The following ANO10 variants were observed in gnomAD, a reference collection of about 807,000 sequenced individuals.
ANO10 encodes the protein anoctamin 10, also known as anoctamin-10.
A neutral mutation model predicts 74.7 loss-of-function variants in ANO10; 77 were observed. The observed-to-expected ratio is 1.03, with a 90% CI of 0.86 to 1.25. The LOEUF is 1.25. Among genes scored for constraint, ANO10 ranks in the 50% most tolerant of loss-of-function variants. ANO10 has a pLI of 0.00. For synonymous variants in ANO10, 279 were observed against 284.9 expected (o/e 0.98, Z 0.21); for missense variants, 721 against 778.1 (o/e 0.93, Z 0.87).
At chr3:43,552,104 A>C (rs2079491340) in intron 10 of ANO10, among the ~76,000 whole-genome samples, 1 of 152,142 alleles carries the variant, frequency 6.6e-6, no homozygotes, top group African/African-American at 2.4e-5. Flanking sequence ...TAATGTTTTT[A>C]GTGGTTGCTC....
intron 1 of ANO10, among the ~76,000 whole-genome samples, chr3:43,646,389 G>A (rs940793632): frequency 1.3e-5 from 2 of 152,128 alleles, no homozygotes; most frequent in East Asian, 3.9e-4. Context: ...CCTGATCCTT[G>A]TATATGCTCA....
At chr3:43,494,632 C>T (rs187279984) in intron 11 of ANO10, among the ~76,000 whole-genome samples, 128 of 152,018 alleles carry the variant, frequency 8.4e-4, no homozygotes, top group African/African-American at 2.8e-3. Flanking sequence ...TTCTTTATAG[C>T]AGTAAGAACT....
rs1199081134 is a variant in ANO10 at position 43,448,752 on chromosome 3, T to C, written c.1798-16025A>G. Among the ~76,000 whole-genome samples the C allele has an allele frequency of 2.0e-5, 3 of 152,220 alleles. No individual in the cohort carries two copies. In the East Asian group the frequency reaches 5.8e-4, roughly 29 times the overall value. ...AATCATATGGTAAAAGTATGCTTAGTTTTCTAAGAAACTGCCAAACTGTCC... is the reference window on the plus strand; with the variant it reads ...AATCATATGGTAAAAGTATGCTTAGCTTTCTAAGAAACTGCCAAACTGTCC... On this transcript the variant is annotated intron_variant, in intron 11 of 12. Coordinates refer to ENST00000292246, the MANE Select transcript of ANO10 (RefSeq NM_018075.5).
intron 11 of ANO10, among the ~76,000 whole-genome samples, chr3:43,438,326 C>A (rs1308980224): frequency 6.6e-6 from 1 of 151,990 alleles, no homozygotes; most frequent in East Asian, 1.9e-4. Flanking sequence ...TGCCTGATGT[C>A]CCAGCTACTT....
intron 11 of ANO10, among the ~76,000 whole-genome samples, chr3:43,483,699 G>T (rs1559597684): frequency 6.6e-6 from 1 of 152,072 alleles, no homozygotes. Flanking sequence ...GAGGTGGTTG[G>T]GTTAGTTTGG....
intron 11 of ANO10, among the ~76,000 whole-genome samples, chr3:43,532,925 T>C (rs187978889): frequency 6.6e-6 from 1 of 152,298 alleles, no homozygotes; most frequent in Admixed American, 6.5e-5. Context: ...CTTTACTTGG[T>C]CATCCCTGTT....
chr3:43,678,841 T>C (rs1422366025), intron 1 of ANO10, among the ~76,000 whole-genome samples: 2 of 152,234 alleles, frequency 1.3e-5, no homozygotes, highest in African/African-American at 4.8e-5. Flanking sequence ...ATGGAAAATA[T>C]TTTAAAAATT....
At chr3:43,527,454 T>C (rs1201238915) in intron 11 of ANO10, among the ~76,000 whole-genome samples, 1 of 152,148 alleles carries the variant, frequency 6.6e-6, no homozygotes, top group Non-Finnish European at 1.5e-5. Flanking sequence ...ATGAATTCAA[T>C]TTTTTCTAGA....
chr3:43,663,464 C>T (rs1243336467), intron 1 of ANO10, among the ~76,000 whole-genome samples: 1 of 152,152 alleles, frequency 6.6e-6, no homozygotes, highest in Non-Finnish European at 1.5e-5. Context: ...GGAAGCATTC[C>T]CTTTGAAAAC....
rs150428415 is a variant in ANO10 at position 43,431,787 on chromosome 3, C to T, written c.1914+824G>A. Among the ~76,000 whole-genome samples the T allele has an allele frequency of 1.4e-4, 22 of 152,176 alleles. 1 individual carries two copies. Among genetic ancestry groups the T allele is most frequent in the Admixed American group, 1.2e-3 (19 of 15,266 alleles). ...TTTGATGTGGGGTTCTCCTGTCCGG[C>T]GCACTACCCTTGGAGCCCTCAGGCT... On this transcript the variant is annotated intron_variant, in intron 12 of 12. Transcript: ENST00000292246.
chr3:43,682,710 C>T (rs1353666454), intron 1 of ANO10, among the ~76,000 whole-genome samples: 2 of 152,190 alleles, frequency 1.3e-5, no homozygotes, highest in Non-Finnish European at 2.9e-5. Context: ...AATCCAGCAG[C>T]ACATCAAAAA....
intron 11 of ANO10, among the ~76,000 whole-genome samples, chr3:43,456,614 A>C (rs1456723176): frequency 6.6e-6 from 1 of 152,204 alleles, no homozygotes; most frequent in Non-Finnish European, 1.5e-5. Flanking sequence ...AGAATTAGAG[A>C]TTCAGAGCCC....
intron 1 of ANO10, among the ~76,000 whole-genome samples, chr3:43,609,743 C>T (rs566228919): frequency 6.6e-6 from 1 of 152,268 alleles, no homozygotes; most frequent in Non-Finnish European, 1.5e-5. Context: ...GCACTGAATC[C>T]TGTAGGCAAT....
At chr3:43,540,297 C>T (rs2078899040) in intron 11 of ANO10, among the ~76,000 whole-genome samples, 1 of 152,236 alleles carries the variant, frequency 6.6e-6, no homozygotes, top group African/African-American at 2.4e-5. Flanking sequence ...TGGACTGTCT[C>T]ACTCTCTGCT....
chr3:43,576,446 C>G (rs2080998426), intron 6 of ANO10, among the ~76,000 whole-genome samples: 1 of 152,144 alleles, frequency 6.6e-6, no homozygotes, highest in Admixed American at 6.6e-5. Context: ...TGGTGAGATA[C>G]TGTGAATAAA....
intron 1 of ANO10, among the ~76,000 whole-genome samples, chr3:43,649,461 CT>C (rs1230852925): frequency 1.3e-5 from 2 of 152,138 alleles, no homozygotes. Context: ...AAACACTAAG[CT>C]GAAACTTGAG....
intron 11 of ANO10, among the ~76,000 whole-genome samples, chr3:43,533,906 C>T (rs1347139218): frequency 6.6e-6 from 1 of 152,180 alleles, no homozygotes; most frequent in Non-Finnish European, 1.5e-5. Context: ...TTGTACTAAA[C>T]AACTAAGTGT....
intron 1 of ANO10, among the ~76,000 whole-genome samples, chr3:43,678,737 T>C (rs889338214): frequency 1.3e-5 from 2 of 152,040 alleles, no homozygotes; most frequent in Non-Finnish European, 2.9e-5. Context: ...GTCTGAGGAG[T>C]TTTGTCTCTG....
intron 11 of ANO10, among the ~76,000 whole-genome samples, chr3:43,435,923 A>G (rs533756711): frequency 3.9e-5 from 6 of 152,238 alleles, no homozygotes; most frequent in Non-Finnish European, 7.3e-5. Flanking sequence ...AATCAGCTTC[A>G]ACAGCAGGGG....
Sources: allele counts gnomAD v4.1 joint callset (sites outside exome capture counted in the v4.1 genomes callset), GRCh38; gene constraint gnomAD v4.1.1; transcripts MANE v1.5; gene names NCBI Gene and HGNC (gene_info 2026-07-23, HGNC 2026-07-21).